Variants in STOX2 observed in about 807,000 individuals in gnomAD.
STOX2 encodes storkhead-box protein 2.
In STOX2, 28 loss-of-function variants were observed where a neutral mutation model predicts 60.9. That is an observed-to-expected ratio of 0.46 (90% confidence interval 0.34 to 0.63). STOX2 has a LOEUF of 0.63. STOX2 is among the 30% of genes least tolerant of loss of function. The pLI is 0.01. For synonymous variants in STOX2, 472 were observed against 463.9 expected (o/e 1.02, Z -0.22); for missense variants, 1,024 against 1,187.7 (o/e 0.86, Z 2.03).
chr4:184,009,309 G>C lies in STOX2; in HGVS notation c.471G>C (p.Trp157Cys). 6.2e-7 allele frequency: 1 copy of C among 1,613,896 alleles called. No homozygotes were observed. Among genetic ancestry groups the C allele is most frequent in the Non-Finnish European group, 8.5e-7 (1 of 1,179,874 alleles). The change falls in exon 3 of 4, where the codon TGG (tryptophan) becomes TGC (cysteine). Residue 157 changes from tryptophan to cysteine, a missense_variant. By Grantham distance (215) the Trp-to-Cys change is radical (BLOSUM62 -2). Around this residue, in one of 3 missense-constraint regions of STOX2, gnomAD observed 922 missense variants for 1,058.3 expected, o/e 0.87. Coordinates refer to ENST00000308497, the MANE Select transcript of STOX2 (RefSeq NM_020225.3). The surrounding 1 kb of genome is among the most constrained non-coding windows in gnomAD (Gnocchi z 4.0). ...TPSLIRTNSK[W>C]YHLDERIPDR... ...CCCTCATAAGAACTAACAGTAAATG[G>C]TACCATTTGGACGAGAGGATACCTG...
rs1739297229 is a variant in STOX2 at position 183,821,241 on chromosome 4, G to A, written c.364+23186G>A. ...TTTTGCTCTTGAATTGTACACAGAG[G>A]CTTGGTGAGAACCCTCCCTTGGCTG... On this transcript the variant is annotated intron_variant, in intron 1 of 2. Coordinates refer to the STOX2 transcript ENST00000513034. The surrounding 1 kb of genome is among the most constrained non-coding windows in gnomAD (Gnocchi z 4.2). 6.6e-6 allele frequency among the ~76,000 whole-genome samples: 1 copy of A among 152,180 alleles called. No homozygotes were observed. Among genetic ancestry groups the A allele is most frequent in the Admixed American group, 6.5e-5 (1 of 15,284 alleles).
chr4:183,950,680 G>C (rs750268527), intron 1 of STOX2, among the ~76,000 whole-genome samples: 1 of 50 alleles, frequency 0.02, no homozygotes, highest in Non-Finnish European at 0.045. Flanking sequence ...GCATGAGGCC[G>C]GGGAGCCACA....
At chr4:183,966,618 C>CAGAT (rs900567836) in intron 1 of STOX2, among the ~76,000 whole-genome samples, 4 of 152,324 alleles carry the variant, frequency 2.6e-5, no homozygotes, top group Admixed American at 6.5e-5. Context: ...CACAATGCTG[C>CAGAT]AGATGGCTGT....
chr4:183,834,180 A>C (rs968866318), intron 1 of STOX2, among the ~76,000 whole-genome samples: 1 of 152,082 alleles, frequency 6.6e-6, no homozygotes, highest in African/African-American at 2.4e-5. Flanking sequence ...TAAAGCATTC[A>C]TTGATCTTCC....
At chr4:183,979,097 C>T (rs755208982) in intron 1 of STOX2, among the ~76,000 whole-genome samples, 1 of 152,186 alleles carries the variant, frequency 6.6e-6, no homozygotes, top group Non-Finnish European at 1.5e-5. Context: ...TGGCTTGTGA[C>T]TCTGCAGGCT....
At chr4:183,961,890 G>T (rs1277943220) in intron 1 of STOX2, among the ~76,000 whole-genome samples, 2 of 152,242 alleles carry the variant, frequency 1.3e-5, no homozygotes, top group African/African-American at 4.8e-5. Flanking sequence ...TCTATCTCCT[G>T]GCACAAATGC....
At chr4:183,874,376 A>G (rs780819470) in intron 1 of STOX2, among the ~76,000 whole-genome samples, 16 of 152,172 alleles carry the variant, frequency 1.1e-4, no homozygotes, top group Non-Finnish European at 1.6e-4. Flanking sequence ...TGAATAAGAA[A>G]GTCTCTTTGT....
At chr4:183,814,984 G>A (rs138527598) in intron 1 of STOX2, among the ~76,000 whole-genome samples, 1 of 151,822 alleles carries the variant, frequency 6.6e-6, no homozygotes, top group Non-Finnish European at 1.5e-5. Flanking sequence ...CTTTTGGGGG[G>A]AATATTTTAT....
intron 1 of STOX2, among the ~76,000 whole-genome samples, chr4:183,935,974 C>T (rs1742578888): frequency 6.6e-6 from 1 of 152,180 alleles, no homozygotes; most frequent in African/African-American, 2.4e-5. Flanking sequence ...GAAATGAACC[C>T]TGTGCATTTC....
chr4:183,954,897 C>G (rs1397990934), intron 1 of STOX2, among the ~76,000 whole-genome samples: 1 of 152,002 alleles, frequency 6.6e-6, no homozygotes, highest in Non-Finnish European at 1.5e-5. Context: ...CACCACCACA[C>G]CCAGCTGATT....
In STOX2 at chr4:183,874,144, A is replaced by G. The variant is rs939968729; in HGVS notation, c.364+76089A>G. Among the ~76,000 whole-genome samples the G allele has an allele frequency of 3.3e-5, 5 of 152,200 alleles. No homozygotes were observed. The South Asian group carries it at 8.3e-4, about 25-fold the overall frequency. ...TGTGGTTGTACCAATATCTTAGCAG[A>G]TGGCAAGAAACAGATTGCAGAGACT... On this transcript the variant is annotated intron_variant, in intron 1 of 2. Transcript: ENST00000513034.
chr4:183,840,558 G>T (rs1323872175), intron 1 of STOX2, among the ~76,000 whole-genome samples: 2 of 152,172 alleles, frequency 1.3e-5, no homozygotes, highest in Non-Finnish European at 2.9e-5. Flanking sequence ...AGTGTGTGGG[G>T]TGAGTGTGTG....
chr4:183,849,882 G>T (rs1174452060), intron 1 of STOX2, among the ~76,000 whole-genome samples: 1 of 152,050 alleles, frequency 6.6e-6, no homozygotes, highest in Non-Finnish European at 1.5e-5. Flanking sequence ...TCCAATTTCT[G>T]GTTGATTCTT....
At chr4:183,867,921 C>T (rs932690008) in intron 1 of STOX2, among the ~76,000 whole-genome samples, 1 of 152,224 alleles carries the variant, frequency 6.6e-6, no homozygotes, top group African/African-American at 2.4e-5. Flanking sequence ...GAAGGAAGAA[C>T]TGATTGCTGG....
intron 1 of STOX2, among the ~76,000 whole-genome samples, chr4:183,980,986 T>G (rs550734094): frequency 1.1e-4 from 16 of 152,144 alleles, no homozygotes; most frequent in Non-Finnish European, 2.1e-4. Context: ...CTAAAAGAGC[T>G]CTAGGACTCA....
chr4:183,891,723 G>T (rs773100370), intron 1 of STOX2, among the ~76,000 whole-genome samples: 3 of 151,324 alleles, frequency 2.0e-5, no homozygotes, highest in African/African-American at 7.3e-5. Context: ...TACTTATGTC[G>T]CCACACACCA....
At chr4:183,927,193 C>T (rs1296455483) in intron 1 of STOX2, among the ~76,000 whole-genome samples, 2 of 152,164 alleles carry the variant, frequency 1.3e-5, no homozygotes, top group Non-Finnish European at 2.9e-5. Context: ...TGGCTTGAGG[C>T]CCGGATGTGG....
intron 1 of STOX2, among the ~76,000 whole-genome samples, chr4:183,953,575 A>ATTTTTTTTTTTTT (rs71951843): frequency 0.3 from 42,645 of 142,380 alleles, 7,335 homozygotes; most frequent in African/African-American, 0.39. Flanking sequence ...ATTATCCCTG[A>ATTTTTTTTTTTTT]TTTTTTTTGA....
At chr4:183,877,390 G>C (rs1205628131) in intron 1 of STOX2, among the ~76,000 whole-genome samples, 2 of 152,184 alleles carry the variant, frequency 1.3e-5, no homozygotes. Flanking sequence ...AAATGTTTTG[G>C]AGTAGGGGAA....
Sources: allele counts gnomAD v4.1 joint callset (sites outside exome capture counted in the v4.1 genomes callset), GRCh38; gene constraint gnomAD v4.1.1; regional missense constraint gnomAD v4.1.1; non-coding constraint Gnocchi (gnomAD v3.1); transcripts MANE v1.5; gene names NCBI Gene and HGNC (gene_info 2026-07-23, HGNC 2026-07-21).